Variants in SUPT3H observed in about 807,000 individuals in gnomAD.
SUPT3H encodes the protein SPT3 homolog, SAGA and STAGA complex component, also known as transcription initiation protein SPT3 homolog.
Under a neutral mutation model 44.3 loss-of-function variants are expected in SUPT3H, and 44 were observed. The observed-to-expected ratio is 0.99, with a 90% confidence interval of 0.78 to 1.28. SUPT3H has a LOEUF of 1.28. Among genes scored for constraint, SUPT3H ranks in the 50% most tolerant of loss-of-function variants. SUPT3H has a pLI of 0.00. For missense variants in SUPT3H, 380 were observed against 387.1 expected, an observed-to-expected ratio of 0.98 and a Z score of 0.15; for synonymous variants, 124 against 125.6, an observed-to-expected ratio of 0.99 and a Z score of 0.09.
intron 10 of SUPT3H, among the ~76,000 whole-genome samples, chr6:44,893,259 G>A (rs1356210993): frequency 6.6e-6 from 1 of 151,966 alleles, no homozygotes; most frequent in Admixed American, 6.6e-5. Flanking sequence ...TAAGTTTTAG[G>A]GTACATGTGC....
intron 10 of SUPT3H, among the ~76,000 whole-genome samples, chr6:44,867,378 T>G (rs1250583398): frequency 6.6e-6 from 1 of 152,112 alleles, no homozygotes; most frequent in Non-Finnish European, 1.5e-5. Context: ...TGACCTCAAG[T>G]GATCCTCCCG....
intron 3 of SUPT3H, among the ~76,000 whole-genome samples, chr6:45,022,675 T>TGCCTATCCCGGATGTGTCCC (rs1377764039): frequency 3.9e-5 from 6 of 152,194 alleles, no homozygotes; most frequent in African/African-American, 1.4e-4. Context: ...TACCAAGGCC[T>TGCCTATCCCGGATGTGTCCC]GCCTATCCCG....
At chr6:44,858,160 T>C (rs1774051353) in intron 10 of SUPT3H, among the ~76,000 whole-genome samples, 1 of 152,146 alleles carries the variant, frequency 6.6e-6, no homozygotes, top group Admixed American at 6.5e-5. Flanking sequence ...CTACACTACA[T>C]TATAATTGAA....
At chr6:45,268,568 A>T (rs923023090) in intron 2 of SUPT3H, among the ~76,000 whole-genome samples, 2 of 152,214 alleles carry the variant, frequency 1.3e-5, no homozygotes, top group African/African-American at 4.8e-5. Flanking sequence ...TTCTCACTGT[A>T]AGCAATTATA....
intron 10 of SUPT3H, among the ~76,000 whole-genome samples, chr6:44,921,827 T>A (rs1316786281): frequency 6.6e-6 from 1 of 152,206 alleles, no homozygotes; most frequent in East Asian, 1.9e-4. Context: ...GGCTGTGAAC[T>A]TCTGCAGCCA....
At chr6:44,945,961 T>C (rs776840516) in intron 9 of SUPT3H, among the ~76,000 whole-genome samples, 4 of 152,164 alleles carry the variant, frequency 2.6e-5, no homozygotes, top group Non-Finnish European at 5.9e-5. Flanking sequence ...GCTGACTCTC[T>C]TGTCAGGGGC....
At chr6:45,004,915 C>T (rs1216071435) in intron 5 of SUPT3H, among the ~76,000 whole-genome samples, 1 of 152,148 alleles carries the variant, frequency 6.6e-6, no homozygotes, top group Non-Finnish European at 1.5e-5. Context: ...GTATGTACCA[C>T]AGCTTTCCAG....
chr6:45,005,262 T>C (rs1782547075), intron 5 of SUPT3H, among the ~76,000 whole-genome samples: 1 of 152,194 alleles, frequency 6.6e-6, no homozygotes, highest in Non-Finnish European at 1.5e-5. Flanking sequence ...ATATGTTTGT[T>C]AGCTATCTGA....
At chr6:45,124,478 CT>C (rs1802128198) in intron 2 of SUPT3H, among the ~76,000 whole-genome samples, 1 of 149,876 alleles carries the variant, frequency 6.7e-6, no homozygotes, top group African/African-American at 2.5e-5. Context: ...ACCCCCCCCT[CT>C]ACTAAAAATA....
chr6:45,155,839 CTA>C (rs1311358762), intron 2 of SUPT3H, among the ~76,000 whole-genome samples: 1 of 152,066 alleles, frequency 6.6e-6, no homozygotes, highest in Non-Finnish European at 1.5e-5. Context: ...CTTGAAGCTA[CTA>C]TGAAGCATTC....
chr6:45,116,118 A>T (rs1800804528), intron 2 of SUPT3H, among the ~76,000 whole-genome samples: 2 of 152,132 alleles, frequency 1.3e-5, no homozygotes, highest in African/African-American at 4.8e-5. Flanking sequence ...AAATAAATCA[A>T]GTTTTCTGTT....
chr6:44,943,182 A>G (rs1772746150), intron 9 of SUPT3H, among the ~76,000 whole-genome samples: 1 of 148,718 alleles, frequency 6.7e-6, no homozygotes, highest in Non-Finnish European at 1.5e-5. Flanking sequence ...AGATAAATGG[A>G]AACTATAAAA....
intron 3 of SUPT3H, chr6:45,098,870 T>C: frequency 1.8e-6 from 1 of 548,354 alleles, no homozygotes; most frequent in Non-Finnish European, 3.6e-6. Flanking sequence ...GAGAAGTCCT[T>C]TGATAAGTTG....
At chr6:44,818,911 G>T (rs752417017) in intron 11 of SUPT3H, among the ~76,000 whole-genome samples, 4 of 152,084 alleles carry the variant, frequency 2.6e-5, no homozygotes, top group Middle Eastern at 3.2e-3. Context: ...AAACATTTTG[G>T]TAGTTTTTTA....
At chr6:44,856,881 T>C (rs1773823978) in intron 10 of SUPT3H, among the ~76,000 whole-genome samples, 1 of 152,238 alleles carries the variant, frequency 6.6e-6, no homozygotes, top group South Asian at 2.1e-4. Flanking sequence ...ATGATTCCGT[T>C]GATTTAACAG....
chr6:45,220,021 CGA>C (rs942029399), intron 2 of SUPT3H, among the ~76,000 whole-genome samples: 1 of 111,474 alleles, frequency 9.0e-6, no homozygotes, highest in African/African-American at 3.5e-5. Context: ...CCTGGGTGAC[CGA>C]GAGAGAGACT....
chr6:45,294,865 A>T (rs1780897181), intron 2 of SUPT3H, among the ~76,000 whole-genome samples: 1 of 151,958 alleles, frequency 6.6e-6, no homozygotes, highest in Admixed American at 6.6e-5. Flanking sequence ...AAATGGAAAC[A>T]CATCCCATCC....
chr6:45,076,400 C>CAGAAGACACATACAA (rs1204945956), intron 3 of SUPT3H, among the ~76,000 whole-genome samples: 2 of 151,726 alleles, frequency 1.3e-5, no homozygotes, highest in Non-Finnish European at 2.9e-5. Context: ...AGTTAACTTC[C>CAGAAGACACATACAA]AGAAGACACA....
rs544547109 is a variant in SUPT3H at position 45,183,029 on chromosome 6, A to G, written c.102-77023T>C. 3.3e-5 allele frequency among the ~76,000 whole-genome samples: 5 copies of G among 152,368 alleles called. No homozygotes were observed. In the East Asian group the frequency reaches 9.6e-4, roughly 29 times the overall value. ...CATGGGTATTTGTATATCAATGTTC[A>G]CTGCAGCATTATTCACAATAAATAG... On this transcript the variant is annotated intron_variant, in intron 2 of 10. Coordinates refer to ENST00000371459, the MANE Select transcript of SUPT3H (RefSeq NM_003599.4).
Sources: allele counts gnomAD v4.1 joint callset (sites outside exome capture counted in the v4.1 genomes callset), GRCh38; gene constraint gnomAD v4.1.1; transcripts MANE v1.5; gene names NCBI Gene and HGNC (gene_info 2026-07-23, HGNC 2026-07-21).